EGFR: variants seen among roughly 807,000 people sequenced by gnomAD.
The protein encoded by EGFR is epidermal growth factor receptor, also known as avian erythroblastic leukemia viral (v-erb-b) oncogene homolog.
EGFR carries 58 observed loss-of-function variants against 143.0 expected under a neutral mutation model. The ratio of observed to expected loss-of-function variants is 0.41; its 90% CI spans 0.33 to 0.50. The LOEUF (loss-of-function observed/expected upper bound fraction) is 0.50. Among genes scored for constraint, EGFR ranks in the 20% least tolerant of loss-of-function variants. The pLI is 0.39. For synonymous variants in EGFR, 613 were observed against 594.4 expected (o/e 1.03, Z -0.45); for missense variants, 1,307 against 1,579.0 (o/e 0.83, Z 2.92).
chr7:55,111,612 T>C (rs1792493024), intron 1 of EGFR, among the ~76,000 whole-genome samples: 1 of 152,192 alleles, frequency 6.6e-6, no homozygotes, highest in South Asian at 2.1e-4. Context: ...CTGGACTTGA[T>C]ATGTAGCAAG....
In EGFR at chr7:55,182,649, G is replaced by A. The variant is rs556097388; in HGVS notation, c.2469+1171G>A. 1.3e-4 allele frequency among the ~76,000 whole-genome samples: 20 copies of A among 152,314 alleles called. 1 individual carries two copies. The South Asian group carries it at 4.1e-3, about 32-fold the overall frequency. Reference sequence around the variant, plus strand: ...GACCACCTCCCAGGATAACCAGATAGCAGCACACCCTGCACAGCCCCTTTT... The same window carrying A: ...GACCACCTCCCAGGATAACCAGATAACAGCACACCCTGCACAGCCCCTTTT... On this transcript the variant is annotated intron_variant, in intron 20 of 27. Coordinates refer to ENST00000275493, the MANE Select transcript of EGFR (RefSeq NM_005228.5).
chr7:55,063,823 G>A (rs763743231), intron 1 of EGFR, among the ~76,000 whole-genome samples: 6 of 152,204 alleles, frequency 3.9e-5, no homozygotes, highest in Admixed American at 1.3e-4. Context: ...CTTGAGGACC[G>A]TCCTGGAGGG....
intron 1 of EGFR, among the ~76,000 whole-genome samples, chr7:55,072,492 G>A (rs184715801): frequency 8.4e-4 from 128 of 152,344 alleles, no homozygotes; most frequent in African/African-American, 2.3e-3. Flanking sequence ...CGGGCTGGAT[G>A]AGGTTTGCTG....
At chr7:55,070,797 A>G (rs1435521500) in intron 1 of EGFR, among the ~76,000 whole-genome samples, 2 of 152,272 alleles carry the variant, frequency 1.3e-5, no homozygotes, top group African/African-American at 4.8e-5. Flanking sequence ...TTCTATCCGT[A>G]GACAGAACCA....
intron 1 of EGFR, among the ~76,000 whole-genome samples, chr7:55,109,414 G>C (rs1326208762): frequency 6.6e-6 from 1 of 152,166 alleles, no homozygotes; most frequent in Non-Finnish European, 1.5e-5. Context: ...ATGACTGCAG[G>C]CTGATTTGGC....
At chr7:55,049,930 AC>A (rs1269668383) in intron 1 of EGFR, among the ~76,000 whole-genome samples, 3 of 152,092 alleles carry the variant, frequency 2.0e-5, no homozygotes, top group Non-Finnish European at 4.4e-5. Flanking sequence ...TCCAAAACAC[AC>A]ATGGCATCTG....
At chr7:55,070,617 G>A (rs867170638) in intron 1 of EGFR, among the ~76,000 whole-genome samples, 2 of 152,230 alleles carry the variant, frequency 1.3e-5, no homozygotes, top group Non-Finnish European at 2.9e-5. Flanking sequence ...ACAGTTGCCT[G>A]TCACAGATTA....
At position 55,191,805 on chromosome 7, in the gene EGFR, G is replaced by C. The variant is rs1368081699; in HGVS notation, c.2556G>C (p.Lys852Asn). 1 of 1,614,112 alleles carries C rather than the reference G, an allele frequency of 6.2e-7. No homozygotes were observed. The highest frequency in any genetic ancestry group is 8.5e-7 in the Non-Finnish European group (1 of 1,180,040). ...NVLVKTPQHV[K>N]ITDFGLAKLL... The stretch of plus-strand genomic sequence containing the variant: ...TGGTGAAAACACCGCAGCATGTCAA[G>C]ATCACAGATTTTGGGCTGGCCAAAC... The change falls in exon 21 of 28, where the codon AAG (lysine) becomes AAC (asparagine). Residue 852 changes from lysine (K) to asparagine (N), a missense_variant. This residue lies in a region of EGFR where 348 missense variants were observed against 451.5 expected (regional missense o/e 0.77). Coordinates refer to ENST00000275493, the MANE Select transcript of EGFR (RefSeq NM_005228.5).
rs534651780 is a variant in EGFR, at chr7:55,022,044, C to T, written c.88+2679C>T. Among the ~76,000 whole-genome samples the T allele has an allele frequency of 6.6e-5, 10 of 152,288 alleles. No individual in the cohort carries two copies. In the South Asian group the frequency reaches 2.1e-3, roughly 32 times the overall value. On this transcript the variant is annotated intron_variant, in intron 1 of 27. Coordinates refer to ENST00000275493, the MANE Select transcript of EGFR (RefSeq NM_005228.5). The stretch of plus-strand genomic sequence containing the variant: ...AAGGGGAAAGGGCCCAGGGAGCCGG[C>T]TCATGACGATGAGCCTGTCTGAAGC...
intron 24 of EGFR, 140 bp from the exon 25 acceptor site, chr7:55,201,048 A>T (rs2128971203): frequency 1.9e-6 from 2 of 1,035,930 alleles, no homozygotes; most frequent in Non-Finnish European, 3.0e-6. Flanking sequence ...GCTATAATTT[A>T]GAGAACCAAG....
chr7:55,179,507 G>A (rs983682656), intron 19 of EGFR, among the ~76,000 whole-genome samples: 6 of 152,328 alleles, frequency 3.9e-5, no homozygotes, highest in Admixed American at 3.3e-4. Flanking sequence ...AGGTTCTCCC[G>A]TGGGTAAGGG....
chr7:55,121,109 T>G (rs145988676), intron 1 of EGFR, among the ~76,000 whole-genome samples: 161 of 152,312 alleles, frequency 1.1e-3, no homozygotes, highest in African/African-American at 3.0e-3. Context: ...TGTGTCATAC[T>G]GTGCAGGGAT....
rs183033804 is a variant in EGFR, at chr7:55,089,021, C to A, written c.89-53265C>A. ...CCACTGTCAAGAGTTGTGGAAGAAT[C>A]CTTCCAGCATTTTTTCTGTGTATTT... On this transcript the variant is annotated intron_variant, in intron 1 of 27. Coordinates refer to ENST00000275493, the MANE Select transcript of EGFR (RefSeq NM_005228.5). Among the ~76,000 whole-genome samples, 267 of 152,194 alleles carry A rather than the reference C, an allele frequency of 1.8e-3. 2 individuals are homozygous for A. Among genetic ancestry groups the A allele is most frequent in the Non-Finnish European group, 2.2e-4 (15 of 68,010 alleles).
chr7:55,183,632 C>A (rs1184075076), intron 20 of EGFR, among the ~76,000 whole-genome samples: 1 of 152,230 alleles, frequency 6.6e-6, no homozygotes, highest in East Asian at 1.9e-4. Flanking sequence ...TTCCCCAGCT[C>A]TCCTCCTGGT....
chr7:55,131,972 C>T (rs1479249781), intron 1 of EGFR, among the ~76,000 whole-genome samples: 1 of 148,974 alleles, frequency 6.7e-6, no homozygotes, highest in African/African-American at 2.5e-5. Context: ...CACACTGGTG[C>T]ACTGACCTGC....
At chr7:55,102,912 G>T (rs961517212) in intron 1 of EGFR, among the ~76,000 whole-genome samples, 3 of 152,218 alleles carry the variant, frequency 2.0e-5, no homozygotes, top group Non-Finnish European at 2.9e-5. Context: ...TGCAGATTCT[G>T]CAGTCCTTAA....
At chr7:55,073,868 C>T (rs1396019928) in intron 1 of EGFR, among the ~76,000 whole-genome samples, 1 of 152,244 alleles carries the variant, frequency 6.6e-6, no homozygotes, top group Non-Finnish European at 1.5e-5. Flanking sequence ...CAAGATTTTG[C>T]ATGTGCACAG....
At chr7:55,034,288 C>T (rs769186512) in intron 1 of EGFR, among the ~76,000 whole-genome samples, 1 of 152,170 alleles carries the variant, frequency 6.6e-6, no homozygotes, top group Non-Finnish European at 1.5e-5. Context: ...GGCTGGAGTG[C>T]AGTGGCCCGA....
At chr7:55,171,806 A>G (rs752356602) in intron 16 of EGFR, among the ~76,000 whole-genome samples, 1 of 152,144 alleles carries the variant, frequency 6.6e-6, no homozygotes, top group Non-Finnish European at 1.5e-5. Context: ...TCTAGCCAGG[A>G]ATCATGGAAT....
Sources: gnomAD v4.1 joint callset for allele counts (sites outside exome capture counted in the v4.1 genomes callset) on GRCh38, gnomAD v4.1.1 for gene constraint, gnomAD v4.1.1 regional missense constraint, MANE v1.5 for transcripts, NCBI Gene and HGNC (gene_info 2026-07-23, HGNC 2026-07-21) for gene names.